The following FHAD1 variants were observed in gnomAD, a reference collection of about 807,000 sequenced individuals.
The protein encoded by FHAD1 is forkhead-associated domain-containing protein 1.
FHAD1 carries 146 observed loss-of-function variants against 191.3 expected under a neutral mutation model. The ratio of observed to expected loss-of-function variants is 0.76; its 90% confidence interval spans 0.67 to 0.88. The LOEUF (loss-of-function observed/expected upper bound fraction) is 0.88, where lower values mean the gene tolerates loss of function less well. Ranked by LOEUF, FHAD1 falls within the 40% of genes least tolerant of loss-of-function variation. The pLI, the probability that FHAD1 is intolerant of heterozygous loss-of-function variation, is 0.00. For synonymous variants in FHAD1, 616 were observed against 672.3 expected (o/e 0.92, Z 1.29); for missense variants, 1,635 against 1,785.8 (o/e 0.92, Z 1.52).
intron 7 of FHAD1, among the ~76,000 whole-genome samples, chr1:15,309,929 G>T (rs112976070): frequency 4.6e-5 from 7 of 152,294 alleles, no homozygotes; most frequent in Non-Finnish European, 8.8e-5. Flanking sequence ...ATCAACTGCC[G>T]GCGAGTGTGG....
chr1:15,329,602 G>T lies in FHAD1; in HGVS notation c.1906+61G>T, dbSNP rs1680387350. ...CTCTAAAATGTCGCGTTGAATCTCA[G>T]CATGATGGGACATCTGTTGAGGAAG... On this transcript the variant is annotated intron_variant, in intron 14 of 33. Transcript: ENST00000688493. The surrounding 1 kb of genome is among the most constrained non-coding windows in gnomAD (Gnocchi z 5.0). 3.5e-6 allele frequency: 5 copies of T among 1,446,582 alleles called. No individual in the cohort carries two copies. The highest frequency in any genetic ancestry group is 3.8e-6 in the Non-Finnish European group (4 of 1,053,998). 89.6% of individuals were successfully genotyped at this position (1,446,582 alleles called of 1,614,324 possible).
At chr1:15,293,567 A>T (rs1009796145) in intron 4 of FHAD1, among the ~76,000 whole-genome samples, 4 of 152,080 alleles carry the variant, frequency 2.6e-5, no homozygotes, top group African/African-American at 9.7e-5. Context: ...AAAATACAAA[A>T]ATTAGCTGGG....
chr1:15,251,991 G>A, intron 2 of FHAD1, 114 bp downstream of exon 2: 1 of 861,430 alleles, frequency 1.2e-6, no homozygotes, highest in Non-Finnish European at 1.8e-6. Flanking sequence ...ACCTGGGCAA[G>A]CAGCCATACC....
At chr1:15,303,203 A>G (rs751523647) in intron 6 of FHAD1, among the ~76,000 whole-genome samples, 19 of 152,182 alleles carry the variant, frequency 1.2e-4, no homozygotes, top group Non-Finnish European at 2.8e-4. Flanking sequence ...AGACAAATAT[A>G]TGCCCTAATA....
intron 14 of FHAD1, among the ~76,000 whole-genome samples, chr1:15,333,123 CA>C (rs2101940585): frequency 6.6e-6 from 1 of 152,328 alleles, no homozygotes; most frequent in African/African-American, 2.4e-5. Context: ...GTTCAGTAAG[CA>C]GGGCCCATCT....
intron 3 of FHAD1, among the ~76,000 whole-genome samples, chr1:15,275,239 G>A (rs12122492): frequency 0.14 from 21,680 of 152,116 alleles, 2,442 homozygotes; most frequent in African/African-American, 0.3. Flanking sequence ...TGGGATTACA[G>A]GCGTGAGCCA....
intron 3 of FHAD1, among the ~76,000 whole-genome samples, chr1:15,275,830 C>G (rs1315230622): frequency 6.6e-6 from 1 of 151,974 alleles, no homozygotes. Context: ...CTGTGTCTTC[C>G]CCGCGGTAGA....
At chr1:15,269,503 C>T (rs1238562179) in intron 2 of FHAD1, among the ~76,000 whole-genome samples, 1 of 152,194 alleles carries the variant, frequency 6.6e-6, no homozygotes, top group Non-Finnish European at 1.5e-5. Context: ...AAGTTTACTT[C>T]CATTGTGGTC....
At chr1:15,363,878 C>G (rs146382663) in intron 23 of FHAD1, 5 of 444,796 alleles carry the variant, frequency 1.1e-5, no homozygotes, top group South Asian at 4.8e-5. Flanking sequence ...GAAGCTCCCC[C>G]AAGAGGAGAA....
chr1:15,350,493 G>A (rs762860220), intron 19 of FHAD1, among the ~76,000 whole-genome samples: 43 of 152,232 alleles, frequency 2.8e-4, no homozygotes, highest in Non-Finnish European at 5.4e-4. Flanking sequence ...TGTGAGGAAT[G>A]AAACCAAAGC....
chr1:15,316,362 G>C lies in FHAD1; in HGVS notation c.1171-16G>C. The C allele has an allele frequency of 6.4e-7, 1 of 1,550,550 alleles. No homozygotes were observed. Among genetic ancestry groups the C allele is most frequent in the South Asian group, 1.2e-5 (1 of 84,014 alleles). The stretch of plus-strand genomic sequence containing the variant: ...GCCAACGTTGGCCTCTTTCTGTGTT[G>C]CCCTTTTCTCCACAGTGCTCGGTGC... On this transcript the variant is annotated splice_polypyrimidine_tract_variant and intron_variant, in intron 8 of 33. Coordinates refer to ENST00000688493, the MANE Select transcript of FHAD1 (RefSeq NM_001391957.1). The surrounding 1 kb of genome is among the most constrained non-coding windows in gnomAD (Gnocchi z 4.3).
chr1:15,376,990 A>G (rs757481241), intron 28 of FHAD1, among the ~76,000 whole-genome samples: 2 of 152,212 alleles, frequency 1.3e-5, no homozygotes, highest in Non-Finnish European at 2.9e-5. Flanking sequence ...ACAGTGAGCT[A>G]TGATCGTGCC....
chr1:15,374,604 A>T lies in FHAD1; in HGVS notation c.3550A>T (p.Lys1184Ter). ...KALSELRARIKELEKARSPDH... is the reference protein window; with the variant it reads ...KALSELRARI ...CTTATCTGAACTTCGAGCGCGAATT[A>T]AAGAACTCGAGAAGGCGCGCTCACC... The change falls in exon 27 of 34, where the codon AAA becomes TAA. Residue 1184 changes from lysine to a stop codon, truncating the protein, a stop_gained. Transcript: ENST00000688493. LOFTEE classifies it high-confidence loss of function. 6.4e-7 allele frequency: 1 copy of T among 1,551,666 alleles called. No homozygotes were observed. The highest frequency in any genetic ancestry group is 8.7e-7 in the Non-Finnish European group (1 of 1,146,968).
chr1:15,360,639 G>C lies in FHAD1; in HGVS notation c.2898G>C (p.Gln966His). 1 of 1,551,972 alleles carries C rather than the reference G, an allele frequency of 6.4e-7. No homozygotes were observed. Among genetic ancestry groups the C allele is most frequent in the South Asian group, 1.2e-5 (1 of 84,062 alleles). The change falls in exon 22 of 34, where the codon CAG becomes CAC. Residue 966 changes from glutamine (Q) to histidine (H), a missense_variant. Transcript: ENST00000688493. ...TTGTGAGCCTCGAAGAGAAACTCCA[G>C]AAAGTCACTCAGCACCATAAAAAAA... ...QTIVSLEEKL[Q>H]KVTQHHKKIE... is the part of the protein sequence containing the mutation.
intron 4 of FHAD1, among the ~76,000 whole-genome samples, chr1:15,292,737 A>G (rs1165304113): frequency 6.6e-6 from 1 of 152,186 alleles, no homozygotes; most frequent in East Asian, 1.9e-4. Flanking sequence ...TCTGCAAGCC[A>G]AGAAGAGAGG....
chr1:15,372,152 C>G (rs1255652556), intron 26 of FHAD1, among the ~76,000 whole-genome samples: 1 of 148,460 alleles, frequency 6.7e-6, no homozygotes, highest in Non-Finnish European at 1.5e-5. Context: ...GTCAGGTGAT[C>G]AGGTGGTCAG....
chr1:15,304,610 T>C (rs1418702941), intron 6 of FHAD1, among the ~76,000 whole-genome samples: 1 of 152,112 alleles, frequency 6.6e-6, no homozygotes, highest in Non-Finnish European at 1.5e-5. Flanking sequence ...TGCCTTTTTA[T>C]GGGAGAGTTG....
intron 11 of FHAD1, 144 bp downstream of exon 11, chr1:15,324,703 T>C (rs1300301743): frequency 3.1e-6 from 2 of 652,216 alleles, no homozygotes; most frequent in African/African-American, 1.8e-5. Context: ...GAGCAGAGGC[T>C]GTCTGCAGCT....
At chr1:15,346,001 C>CA (rs1195034417) in intron 18 of FHAD1, among the ~76,000 whole-genome samples, 1 of 152,158 alleles carries the variant, frequency 6.6e-6, no homozygotes, top group Non-Finnish European at 1.5e-5. Context: ...TGAGTTGTGT[C>CA]AAACTCTTAC....
Sources: allele counts gnomAD v4.1 joint callset (sites outside exome capture counted in the v4.1 genomes callset), GRCh38; gene constraint gnomAD v4.1.1; non-coding constraint Gnocchi (gnomAD v3.1); transcripts MANE v1.5; gene names NCBI Gene and HGNC (gene_info 2026-07-23, HGNC 2026-07-21).